The following SDK2 variants were observed in gnomAD, a reference collection of about 807,000 sequenced individuals.
SDK2 encodes the protein sidekick cell adhesion molecule 2.
Under a neutral mutation model 253.9 loss-of-function variants are expected in SDK2, and 105 were observed. The ratio of observed to expected loss-of-function variants is 0.41; its 90% CI spans 0.35 to 0.49. SDK2 has a LOEUF of 0.49. Ranked by LOEUF, SDK2 falls within the 20% of genes least tolerant of loss-of-function variation. SDK2 has a pLI of 0.06. For missense variants in SDK2, 2,608 were observed against 3,003.0 expected (o/e 0.87, Z 3.07); for synonymous variants, 1,249 against 1,234.9 (o/e 1.01, Z -0.24).
rs35201251 is a variant in SDK2, at chr17:73,415,350, C to CTTTT, written c.2368+457_2368+460dup. Among the ~76,000 whole-genome samples the CTTTT allele has an allele frequency of 5.3e-4, 65 of 122,096 alleles. 1 individual carries two copies. The highest frequency in any genetic ancestry group is 7.3e-4 in the Non-Finnish European group (44 of 60,166). 80.1% of individuals were successfully genotyped at this position (122,096 alleles called of 152,430 possible). On this transcript the variant is annotated intron_variant, in intron 17 of 44. Transcript: ENST00000392650. ...CATAGTCTCTTTTCATTTCATTTCA[C>CTTTT]TTTTTTTTTTTTTTTTTTTTGAGAC... is the stretch of plus-strand genomic sequence containing the variant.
intron 43 of SDK2, 29 bp downstream of exon 43, chr17:73,350,208 G>GT (rs1555749326): frequency 8.6e-6 from 13 of 1,512,002 alleles, no homozygotes; most frequent in South Asian, 1.3e-5. Flanking sequence ...GCTGGGCCTG[G>GT]CCCCCAACCC....
rs1481364018 is a variant in SDK2 at position 73,352,719 on chromosome 17, C to T, written c.5594-82G>A. On this transcript the variant is annotated intron_variant, in intron 40 of 44. Coordinates refer to ENST00000392650, the MANE Select transcript of SDK2 (RefSeq NM_001144952.2). This position sits in a 1 kb window ranked among gnomAD's most constrained non-coding sequence, Gnocchi z 4.1. ...TCCCAGCCCCGTTCTGACTATGCTC[C>T]CTGAGGGCTGGGCCTGTTGGATCCT... 1.4e-6 allele frequency: 2 copies of T among 1,439,442 alleles called. No homozygotes were observed. The highest frequency in any genetic ancestry group is 1.4e-5 in the African/African-American group (1 of 71,568). 89.2% of individuals were successfully genotyped at this position (1,439,442 alleles called of 1,614,324 possible).
In SDK2 at chr17:73,368,458, C is replaced by A; in HGVS notation, c.5116G>T (p.Ala1706Ser). Residue 1706 changes from alanine (A) to serine (S), a missense_variant, in exon 37 of 45, where the codon GCT becomes TCT. Transcript: ENST00000392650. ...GGGGTGCTCCGAGGCCCATCCCCAGCGGCGTTGAAGGCGGCCACGCTGACC... is the reference window on the plus strand; with the variant it reads ...GGGGTGCTCCGAGGCCCATCCCCAGAGGCGTTGAAGGCGGCCACGCTGACC... ...YMVSVAAFNAAGDGPRSTPTQ... is the reference protein window; with the variant it reads ...YMVSVAAFNASGDGPRSTPTQ... 6.2e-7 allele frequency: 1 copy of A among 1,604,490 alleles called. No individual in the cohort carries two copies. The highest frequency in any genetic ancestry group is 8.5e-7 in the Non-Finnish European group (1 of 1,175,790).
intron 1 of SDK2, among the ~76,000 whole-genome samples, chr17:73,508,112 C>T (rs1163827239): frequency 6.6e-6 from 1 of 152,242 alleles, no homozygotes; most frequent in Admixed American, 6.5e-5. Flanking sequence ...CCAGCAGGGC[C>T]CCATGGCCAC....
chr17:73,596,019 G>C (rs937949683), intron 1 of SDK2, among the ~76,000 whole-genome samples: 1 of 151,518 alleles, frequency 6.6e-6, no homozygotes, highest in South Asian at 2.1e-4. Context: ...GTGAGGCCTC[G>C]GCACTCCCAG....
chr17:73,533,384 G>A (rs1188963258), intron 1 of SDK2, among the ~76,000 whole-genome samples: 2 of 152,234 alleles, frequency 1.3e-5, no homozygotes, highest in Non-Finnish European at 2.9e-5. Flanking sequence ...GAGCTGGCGG[G>A]CACATCCCCT....
chr17:73,565,083 G>C (rs1032398804), intron 1 of SDK2, among the ~76,000 whole-genome samples: 2 of 152,200 alleles, frequency 1.3e-5, no homozygotes, highest in African/African-American at 4.8e-5. Flanking sequence ...TCTAGCTCCT[G>C]CCAAGTGGGG....
At chr17:73,422,705 G>A (rs150008782) in intron 14 of SDK2, among the ~76,000 whole-genome samples, 1 of 152,210 alleles carries the variant, frequency 6.6e-6, no homozygotes, top group African/African-American at 2.4e-5. Context: ...ACAAATTGAT[G>A]AGCTCTAGGC....
chr17:73,547,025 G>A (rs1477914378), intron 1 of SDK2, among the ~76,000 whole-genome samples: 1 of 152,224 alleles, frequency 6.6e-6, no homozygotes, highest in Non-Finnish European at 1.5e-5. Flanking sequence ...TGATCCAGGT[G>A]CTTCCCTCCC....
rs77672657 is a variant in SDK2 at position 73,437,834 on chromosome 17, A to G, written c.917-12T>C. 1,038 of 1,613,760 alleles carry G rather than the reference A, an allele frequency of 6.4e-4. 8 individuals are homozygous for G. In the African/African-American group the frequency reaches 0.012, roughly 19 times the overall value. ...AAACTGAGGCGGTTCTGCAGGAGGA[A>G]GGACCAGGGGAGGGGGTCAGAGCCA... On this transcript the variant is annotated splice_polypyrimidine_tract_variant and intron_variant, in intron 7 of 44. Transcript: ENST00000392650.
chr17:73,382,348 C>T (rs992883480), intron 33 of SDK2, among the ~76,000 whole-genome samples: 4 of 152,098 alleles, frequency 2.6e-5, no homozygotes, highest in Non-Finnish European at 4.4e-5. Context: ...TCTTCTACTA[C>T]GAATCAGTCA....
At chr17:73,381,109 C>T (rs538629169) in intron 33 of SDK2, among the ~76,000 whole-genome samples, 159 bp from the exon 34 acceptor site, 15 of 152,296 alleles carry the variant, frequency 9.8e-5, no homozygotes, top group Middle Eastern at 3.4e-3. Flanking sequence ...TGCTGAGTTA[C>T]GGGCCAGGAT....
In SDK2 at chr17:73,422,353, G is replaced by A. The variant is rs943655957; in HGVS notation, c.1979C>T (p.Ser660Phe). 2 of 1,614,028 alleles carry A rather than the reference G, an allele frequency of 1.2e-6. No individual in the cohort carries two copies. The highest frequency in any genetic ancestry group is 2.2e-5 in the South Asian group (2 of 91,070). Residue 660 changes from serine to phenylalanine, a missense_variant, in exon 15 of 45, where the codon TCC (serine) becomes TTC (phenylalanine). By Grantham distance (155) the Ser-to-Phe change is radical (BLOSUM62 -2). This residue lies in a region of SDK2 where 1,505 missense variants were observed against 1,859.1 expected (regional missense o/e 0.81). Transcript: ENST00000392650. The stretch of plus-strand genomic sequence containing the variant: ...GACGGCACAAAGACGGAACTGGTAG[G>A]AGCGTGCAGGAACCAGGCCCTTGAC... ...VTVKGLVPAR[S>F]YQFRLCAVND...
At chr17:73,604,872 G>A (rs975635615) in intron 1 of SDK2, among the ~76,000 whole-genome samples, 2 of 152,184 alleles carry the variant, frequency 1.3e-5, no homozygotes, top group Non-Finnish European at 2.9e-5. Flanking sequence ...CACAGTGATG[G>A]CAACTAAAGC....
At chr17:73,518,150 C>A (rs536341750) in intron 1 of SDK2, 1 of 152,256 alleles carries the variant, frequency 6.6e-6, no homozygotes, top group African/African-American at 2.4e-5. Flanking sequence ...GGGTCCCTCC[C>A]TTCTTGGGAG....
At chr17:73,448,839 T>C (rs931023976) in intron 4 of SDK2, among the ~76,000 whole-genome samples, 1 of 152,042 alleles carries the variant, frequency 6.6e-6, no homozygotes, top group African/African-American at 2.4e-5. Flanking sequence ...TCTTATATTT[T>C]TAGTAAAGAC....
intron 1 of SDK2, among the ~76,000 whole-genome samples, chr17:73,536,699 C>T (rs2044779869): frequency 6.6e-6 from 1 of 152,214 alleles, no homozygotes; most frequent in Admixed American, 6.5e-5. Flanking sequence ...CATGTGCAAG[C>T]AATGCACAAC....
rs746305717 is a variant in SDK2 at position 73,368,543 on chromosome 17, C to T, written c.5031G>A (p.Thr1677=). The T allele has an allele frequency of 8.7e-6, 14 of 1,607,484 alleles. No homozygotes were observed. Among genetic ancestry groups the T allele is most frequent in the South Asian group, 7.8e-5 (7 of 89,374 alleles). The change falls in exon 37 of 45, where the codon ACG becomes ACA. Residue 1677 remains threonine, a synonymous_variant. Coordinates refer to ENST00000392650, the MANE Select transcript of SDK2 (RefSeq NM_001144952.2). Reference sequence around the variant, plus strand: ...TCACGCTGTTCTCAGCCAGGAAAAGCGTCTTCACTCGCTCTGTGAGGTTCC... The same window carrying T: ...TCACGCTGTTCTCAGCCAGGAAAAGTGTCTTCACTCGCTCTGTGAGGTTCC... ...QRGNLTERVK[T]LFLAENSVKL...
Position 73,584,930 on chromosome 17 carries a change from C to T in SDK2, c.64+59095G>A, listed in dbSNP as rs767903761. On this transcript the variant is annotated intron_variant, in intron 1 of 44. Transcript: ENST00000392650. ...GTTGATTTGTTACAGGTGACGGATG[C>T]TGATGGCCGTTCATCTGTGGTTGCT... Among the ~76,000 whole-genome samples the T allele has an allele frequency of 2.8e-4, 43 of 152,226 alleles. 1 individual carries two copies. Among genetic ancestry groups the T allele is most frequent in the Admixed American group, 2.0e-3 (30 of 15,280 alleles).
Sources: gnomAD v4.1 joint callset for allele counts (sites outside exome capture counted in the v4.1 genomes callset) on GRCh38, gnomAD v4.1.1 for gene constraint, gnomAD v4.1.1 regional missense constraint, Gnocchi (gnomAD v3.1) non-coding constraint, MANE v1.5 for transcripts, NCBI Gene and HGNC (gene_info 2026-07-23, HGNC 2026-07-21) for gene names.